TRIM27: variants seen among roughly 807,000 people sequenced by gnomAD.
TRIM27 encodes the protein zinc finger protein RFP.
Under a neutral mutation model 57.6 loss-of-function variants are expected in TRIM27, and 12 were observed. That is an observed-to-expected ratio of 0.21 (90% CI 0.13 to 0.34). The LOEUF (loss-of-function observed/expected upper bound fraction) is 0.34. Among genes scored for constraint, TRIM27 ranks in the 10% least tolerant of loss-of-function variants. The pLI, the probability that TRIM27 is intolerant of heterozygous loss-of-function variation, is 1.00. For synonymous variants in TRIM27, 266 were observed against 259.0 expected (o/e 1.03, Z -0.26); for missense variants, 403 against 656.8 (o/e 0.61, Z 4.22).
intron 3 of TRIM27, among the ~76,000 whole-genome samples, chr6:28,913,267 A>T (rs3130840): frequency 0.061 from 8,179 of 133,222 alleles, 322 homozygotes; most frequent in Non-Finnish European, 0.091. Context: ...AAAAAAAAAA[A>T]AAATATATAT....
chr6:28,919,832 G>A (rs1773889284), intron 3 of TRIM27, among the ~76,000 whole-genome samples, 180 bp downstream of exon 3: 1 of 152,234 alleles, frequency 6.6e-6, no homozygotes, highest in Non-Finnish European at 1.5e-5. Flanking sequence ...TTCAAGTTGT[G>A]TGAACCAGAA....
intron 3 of TRIM27, among the ~76,000 whole-genome samples, chr6:28,918,644 G>A (rs1012184697): frequency 1.6e-4 from 25 of 152,282 alleles, no homozygotes; most frequent in African/African-American, 5.5e-4. Flanking sequence ...TTGGGAGGCC[G>A]AGGAGGGCAG....
chr6:28,921,937 C>T lies in TRIM27; in HGVS notation c.471G>A (p.Lys157=). The part of the protein sequence containing the change: ...LDHLKRVKDL[K]KRRRAQGEQA... ...GTTCCCCCTGGGCCCGACGTCTCTT[C>T]TTTAAATCTTTCACTCTTTTTAAAT... Residue 157 remains lysine, a synonymous_variant, in exon 2 of 8, where the codon AAG becomes AAA. Transcript: ENST00000377199. The T allele has an allele frequency of 1.2e-6, 2 of 1,613,112 alleles. No homozygotes were observed. Among genetic ancestry groups the T allele is most frequent in the Non-Finnish European group, 1.7e-6 (2 of 1,180,040 alleles).
At chr6:28,923,088 G>A in intron 1 of TRIM27, 125 bp downstream of exon 1, 7 of 1,141,930 alleles carry the variant, frequency 6.1e-6, no homozygotes, top group Admixed American at 2.9e-5. Flanking sequence ...GGACAGAGAG[G>A]AAATGACGGC....
At chr6:28,907,205 C>G in intron 7 of TRIM27, 31 bp downstream of exon 7, 1 of 1,598,434 alleles carries the variant, frequency 6.3e-7, no homozygotes, top group Non-Finnish European at 8.5e-7. Context: ...TTACTCCTTA[C>G]CCTAATATGG....
Position 28,923,570 on chromosome 6 carries a change from C to T in TRIM27, c.63G>A (p.Gln21=). ...CGAGCATCATGGGCTCTGCGAAGTA[C>T]TGCAGGCACACGGGGCAGGTGGTCT... is the stretch of plus-strand genomic sequence containing the variant. ...QQETTCPVCL[Q]YFAEPMMLDC... is the part of the protein sequence containing the mutation. The change falls in exon 1 of 8, where the codon CAG becomes CAA. Residue 21 remains glutamine (Q), a synonymous_variant. Transcript: ENST00000377199. 6.2e-7 allele frequency: 1 copy of T among 1,609,772 alleles called. No individual in the cohort carries two copies. The highest frequency in any genetic ancestry group is 8.5e-7 in the Non-Finnish European group (1 of 1,178,426).
intron 4 of TRIM27, among the ~76,000 whole-genome samples, chr6:28,909,793 T>A (rs1396569265): frequency 2.0e-5 from 3 of 152,110 alleles, no homozygotes; most frequent in Admixed American, 6.6e-5. Flanking sequence ...ATTACCCAAT[T>A]CCCTAGCCCT....
intron 6 of TRIM27, 130 bp downstream of exon 6, chr6:28,908,678 G>A (rs990041927): frequency 1.3e-6 from 1 of 758,490 alleles, no homozygotes; most frequent in South Asian, 1.9e-5. Flanking sequence ...AAGACCAAAG[G>A]GAAGATGTAA....
intron 4 of TRIM27, among the ~76,000 whole-genome samples, chr6:28,909,932 T>C (rs1410430127): frequency 6.6e-6 from 1 of 152,116 alleles, no homozygotes; most frequent in Non-Finnish European, 1.5e-5. Flanking sequence ...AGTTCTGGCC[T>C]ATGAGAAGTA....
At chr6:28,918,530 TA>T (rs1562174566) in intron 3 of TRIM27, among the ~76,000 whole-genome samples, 1 of 151,722 alleles carries the variant, frequency 6.6e-6, no homozygotes, top group East Asian at 1.9e-4. Flanking sequence ...GTCTCAAAAA[TA>T]AAAAAAGAAA....
At chr6:28,906,339 C>A (rs1189183509) in intron 7 of TRIM27, 1 of 152,200 alleles carries the variant, frequency 6.6e-6, no homozygotes, top group Non-Finnish European at 1.5e-5. Context: ...TTTAAGCCCA[C>A]AAATTTTTAC....
In TRIM27 at chr6:28,923,388, C is replaced by G; in HGVS notation, c.245G>C (p.Arg82Pro). The G allele has an allele frequency of 6.2e-7, 1 of 1,612,244 alleles. No individual in the cohort carries two copies. Among genetic ancestry groups the G allele is most frequent in the Non-Finnish European group, 8.5e-7 (1 of 1,179,658 alleles). The change falls in exon 1 of 8, where the codon CGC becomes CCC. Residue 82 changes from arginine (R) to proline (P), a missense_variant. Coordinates refer to ENST00000377199, the MANE Select transcript of TRIM27 (RefSeq NM_006510.5). Reference sequence around the variant, plus strand: ...GCCGGGCCCCGACGGCCGCTCGGTGCGCAGCTGCTTTACCAGTTGGGTCAC... The same window carrying G: ...GCCGGGCCCCGACGGCCGCTCGGTGGGCAGCTGCTTTACCAGTTGGGTCAC... The part of the protein sequence containing the change: ...ANVTQLVKQL[R>P]TERPSGPGGE...
intron 3 of TRIM27, among the ~76,000 whole-genome samples, chr6:28,917,340 G>A (rs1390898703): frequency 6.6e-6 from 1 of 152,154 alleles, no homozygotes. Flanking sequence ...CACTTTGGGA[G>A]GCCGAGGCAG....
At chr6:28,907,588 C>T (rs1190309895) in intron 6 of TRIM27, 2 of 607,234 alleles carry the variant, frequency 3.3e-6, no homozygotes, top group Non-Finnish European at 6.3e-6. Context: ...GCGGTTCCAA[C>T]CCCACGTCAT....
chr6:28,907,240 G>A lies in TRIM27; in HGVS notation c.942C>T (p.Tyr314=), dbSNP rs765963701. 2.5e-6 allele frequency: 4 copies of A among 1,611,246 alleles called. No homozygotes were observed. In the East Asian group the frequency reaches 6.7e-5, roughly 27 times the overall value. The part of the protein sequence containing the change: ...KIQELREAQL[Y]SVDVTLDPDT... ...GTTTTGTCTCTCATCACCTACCTGA[G>A]TATAACTGAGCCTCTCTTAATTCTG... Residue 314 remains tyrosine, a synonymous_variant, in exon 7 of 8, where the codon TAC becomes TAT. Coordinates refer to ENST00000377199, the MANE Select transcript of TRIM27 (RefSeq NM_006510.5).
intron 2 of TRIM27, 22 bp downstream of exon 2, chr6:28,921,870 T>G (rs748322713): frequency 1.3e-6 from 2 of 1,593,082 alleles, no homozygotes; most frequent in Non-Finnish European, 1.7e-6. Flanking sequence ...CAGAACCAAC[T>G]GTGAATTCCA....
chr6:28,920,378 T>G, intron 2 of TRIM27, 136 bp from the exon 3 acceptor site: 1 of 672,668 alleles, frequency 1.5e-6, no homozygotes, highest in South Asian at 2.8e-5. Context: ...TTATTTCCAG[T>G]CTTTACTGAC....
At chr6:28,918,381 C>T (rs1410239907) in intron 3 of TRIM27, among the ~76,000 whole-genome samples, 1 of 152,112 alleles carries the variant, frequency 6.6e-6, no homozygotes, top group Non-Finnish European at 1.5e-5. Context: ...CCTAATGTGG[C>T]TCCTGCCCCA....
chr6:28,921,581 G>A (rs1351081389), intron 2 of TRIM27, among the ~76,000 whole-genome samples: 2 of 152,164 alleles, frequency 1.3e-5, no homozygotes, highest in Admixed American at 6.5e-5. Flanking sequence ...TGGTACCAAC[G>A]CAAGCTAACT....
Sources: allele counts gnomAD v4.1 joint callset (sites outside exome capture counted in the v4.1 genomes callset), GRCh38; gene constraint gnomAD v4.1.1; transcripts MANE v1.5; gene names NCBI Gene and HGNC (gene_info 2026-07-23, HGNC 2026-07-21).